The following ODAD1 variants were observed in gnomAD, a reference collection of about 807,000 sequenced individuals.
ODAD1 encodes the protein outer dynein arm docking complex subunit 1, also known as outer dynein arm-docking complex subunit 1.
A neutral mutation model predicts 67.2 loss-of-function variants in ODAD1; 49 were observed. That is an observed-to-expected ratio of 0.73 (90% confidence interval 0.58 to 0.92). The LOEUF (loss-of-function observed/expected upper bound fraction) is 0.92. ODAD1 is among the 40% of genes least tolerant of loss of function. The pLI, the probability that ODAD1 is intolerant of heterozygous loss-of-function variation, is 0.00. For synonymous variants in ODAD1, 345 were observed against 393.7 expected (o/e 0.88, Z 1.46); for missense variants, 897 against 953.7 (o/e 0.94, Z 0.78).
Position 48,303,730 on chromosome 19 carries a change from C to G in ODAD1, c.908G>C (p.Cys303Ser), listed in dbSNP as rs975416886. The G allele has an allele frequency of 6.2e-7, 1 of 1,614,002 alleles. No individual in the cohort carries two copies. The highest frequency in any genetic ancestry group is 1.7e-5 in the Admixed American group (1 of 59,988). ...WKTSQERLVL[C>S]YEDALNKLSQ... The stretch of plus-strand genomic sequence containing the variant: ...CAGTTTATTCAGGGCGTCCTCGTAG[C>G]AAAGCACCAGCCTCTCCTGGGAGGT... Residue 303 changes from cysteine to serine, a missense_variant, in exon 10 of 16, where the codon TGC (cysteine) becomes TCC (serine). Cys to Ser is a moderately radical substitution (Grantham distance 112, BLOSUM62 -1). Transcript: ENST00000674294.
intron 5 of ODAD1, among the ~76,000 whole-genome samples, chr19:48,314,485 T>C (rs921351174): frequency 2.0e-5 from 3 of 152,210 alleles, no homozygotes; most frequent in African/African-American, 7.2e-5. Context: ...AGCATGAGGA[T>C]GTTTTAAATT....
intron 5 of ODAD1, among the ~76,000 whole-genome samples, chr19:48,316,754 T>C (rs547414438): frequency 6.6e-6 from 1 of 152,216 alleles, no homozygotes; most frequent in East Asian, 1.9e-4. Flanking sequence ...CCCCAGCACT[T>C]TGGGAGGCCA....
chr19:48,309,541 T>G (rs907806071), intron 7 of ODAD1, among the ~76,000 whole-genome samples: 12 of 152,200 alleles, frequency 7.9e-5, no homozygotes, highest in African/African-American at 2.9e-4. Flanking sequence ...TGAGCTGTCC[T>G]AACACTCGGT....
rs200795319 is a variant in ODAD1, at chr19:48,298,168, G to A, written c.1404+9C>T. On this transcript the variant is annotated intron_variant, in intron 13 of 15. Transcript: ENST00000674294. ...CGGCCTCCTGTCCCGGCTCCCTGCC[G>A]TCTCCCACCTGGGCATGTAGGAAGG... 1.2e-5 allele frequency: 19 copies of A among 1,612,142 alleles called. No homozygotes were observed. The highest frequency in any genetic ancestry group is 3.3e-4 in the Middle Eastern group (2 of 6,062).
At chr19:48,316,237 T>A (rs1968895489) in intron 5 of ODAD1, among the ~76,000 whole-genome samples, 1 of 151,980 alleles carries the variant, frequency 6.6e-6, no homozygotes, top group South Asian at 2.1e-4. Context: ...AAAAATTAGC[T>A]GGGAGTGGTG....
chr19:48,302,480 G>A (rs550558112), intron 12 of ODAD1, among the ~76,000 whole-genome samples: 1 of 152,146 alleles, frequency 6.6e-6, no homozygotes, highest in Admixed American at 6.5e-5. Context: ...ATGGATGGAT[G>A]GGTGTAGGAC....
At chr19:48,306,361 A>C in intron 7 of ODAD1, 38 bp from the exon 8 acceptor site, 6 of 1,508,556 alleles carry the variant, frequency 4.0e-6, no homozygotes, top group Non-Finnish European at 5.4e-6. Context: ...GCCACTTCTT[A>C]CAACCCCATT....
At chr19:48,316,572 A>G (rs1600873613) in intron 5 of ODAD1, among the ~76,000 whole-genome samples, 1 of 152,306 alleles carries the variant, frequency 6.6e-6, no homozygotes, top group East Asian at 1.9e-4. Flanking sequence ...TCTATCAGAT[A>G]CGTGCTTTGC....
chr19:48,307,747 G>A (rs1009931866), intron 7 of ODAD1, among the ~76,000 whole-genome samples: 3 of 151,684 alleles, frequency 2.0e-5, no homozygotes, highest in South Asian at 4.2e-4. Context: ...CCTGGGAGGC[G>A]GAGCTTGCAG....
rs1968517945 is a variant in ODAD1, at chr19:48,303,247, G to C, written c.989-152C>G. On this transcript the variant is annotated intron_variant, in intron 10 of 15. Transcript: ENST00000674294. ...AAGGCAGAGAGACGAACAGAGAGGA[G>C]TCACAGAGACAAAGAGGTGTGGGAA... is the stretch of plus-strand genomic sequence containing the variant. 1.0e-5 allele frequency: 7 copies of C among 673,436 alleles called. No individual in the cohort carries two copies. The South Asian group carries it at 1.2e-4, about 11-fold the overall frequency. The allele number at this position is 673,436 out of a possible 1,614,324, so 41.7% of individuals were successfully genotyped here. A position where few individuals can be genotyped will look rare whatever the true frequency, so the allele number is the denominator to read the frequency against.
rs774257310 is a variant in ODAD1, at chr19:48,297,179, C to G, written c.1921G>C (p.Val641Leu). ...SSGGHVTFRPVSASSYLGSTG... is the reference protein window; with the variant it reads ...SSGGHVTFRPLSASSYLGSTG... Reference sequence around the variant, plus strand: ...GAGCCCAGGTAGCTGCTGGCGCTGACGGGTCTGAAGGTCACGTGGCCCCCA... The same window carrying G: ...GAGCCCAGGTAGCTGCTGGCGCTGAGGGGTCTGAAGGTCACGTGGCCCCCA... The change falls in exon 16 of 16, where the codon GTC becomes CTC. Residue 641 changes from valine (V) to leucine (L), a missense_variant. Transcript: ENST00000674294. 6.2e-7 allele frequency: 1 copy of G among 1,614,004 alleles called. No homozygotes were observed. Among genetic ancestry groups the G allele is most frequent in the Non-Finnish European group, 8.5e-7 (1 of 1,180,020 alleles).
chr19:48,318,739 T>G lies in ODAD1; in HGVS notation c.144A>C (p.Glu48Asp). ...GTTGCTTGTTGATGCGCTGGTGGAC[T>G]TCCTTGCTGTAGGCCCGCCTCTCCC... Reference protein sequence around the residue: ...MEGERRAYSKEVHQRINKQLE... With the variant: ...MEGERRAYSKDVHQRINKQLE... Residue 48 changes from glutamate (E) to aspartate (D), a missense_variant, in exon 4 of 16, where the codon GAA becomes GAC. By Grantham distance (45) the Glu-to-Asp change is conservative. Transcript: ENST00000674294. 1 of 1,551,144 alleles carries G rather than the reference T, an allele frequency of 6.4e-7. No individual in the cohort carries two copies. The highest frequency in any genetic ancestry group is 1.2e-5 in the South Asian group (1 of 84,034).
chr19:48,318,325 C>T, intron 5 of ODAD1, 62 bp downstream of exon 5: 1 of 1,414,806 alleles, frequency 7.1e-7, no homozygotes, highest in Non-Finnish European at 9.7e-7. Context: ...GAAGCTAAGG[C>T]TCAGGGAGGT....
chr19:48,297,818 A>G (rs1202676480), intron 14 of ODAD1, 150 bp from the exon 15 acceptor site: 5 of 864,392 alleles, frequency 5.8e-6, no homozygotes, highest in Non-Finnish European at 8.6e-6. Context: ...CCATCCTCCC[A>G]CACAGGTGCC....
intron 12 of ODAD1, 60 bp downstream of exon 12, chr19:48,302,634 T>G: frequency 6.8e-7 from 1 of 1,465,766 alleles, no homozygotes; most frequent in African/African-American, 1.4e-5. Flanking sequence ...CCCCGCGGGC[T>G]GATGGTGTCC....
intron 12 of ODAD1, among the ~76,000 whole-genome samples, chr19:48,299,306 G>A (rs1312037113): frequency 1.3e-5 from 2 of 152,172 alleles, no homozygotes; most frequent in Non-Finnish European, 2.9e-5. Flanking sequence ...AGTTACTGGA[G>A]AGGCTGAGGC....
chr19:48,301,861 GGATA>G (rs1396080442), intron 12 of ODAD1, among the ~76,000 whole-genome samples: 1 of 147,398 alleles, frequency 6.8e-6, no homozygotes, highest in Non-Finnish European at 1.5e-5. Context: ...ATGGATGGAT[GGATA>G]TACGGACAGA....
chr19:48,321,216 C>T (rs1389862808), intron 1 of ODAD1, among the ~76,000 whole-genome samples: 2 of 152,152 alleles, frequency 1.3e-5, no homozygotes, highest in Admixed American at 1.3e-4. Flanking sequence ...CCAGCCTGGG[C>T]GACAGAGCGA....
rs1968500539 is a variant in ODAD1, at chr19:48,302,716, T to C, written c.1218A>G (p.Gly406=). ...CACCAGCCTTGAGCTTCTCCAGCTGTCCCCGCACATCCTGGAAGCGGGCCT... is the reference window on the plus strand; with the variant it reads ...CACCAGCCTTGAGCTTCTCCAGCTGCCCCCGCACATCCTGGAAGCGGGCCT... The part of the protein sequence containing the change: ...RLEARFQDVR[G]QLEKLKADIQ... Residue 406 remains glycine (G), a synonymous_variant, in exon 12 of 16, where the codon GGA becomes GGG. Coordinates refer to ENST00000674294, the MANE Select transcript of ODAD1 (RefSeq NM_001364171.2). 1 of 1,611,766 alleles carries C rather than the reference T, an allele frequency of 6.2e-7. No individual in the cohort carries two copies. The highest frequency in any genetic ancestry group is 1.3e-5 in the African/African-American group (1 of 75,052).
Sources: allele counts gnomAD v4.1 joint callset (sites outside exome capture counted in the v4.1 genomes callset), GRCh38; gene constraint gnomAD v4.1.1; transcripts MANE v1.5; gene names NCBI Gene and HGNC (gene_info 2026-07-23, HGNC 2026-07-21).